Variants in GPT2 observed in about 807,000 individuals in gnomAD.
The protein encoded by GPT2 is alanine aminotransferase 2.
Under a neutral mutation model 56.9 loss-of-function variants are expected in GPT2, and 30 were observed. The ratio of observed to expected loss-of-function variants is 0.53; its 90% CI spans 0.39 to 0.72. The LOEUF (loss-of-function observed/expected upper bound fraction) is 0.72. GPT2 is among the 30% of genes least tolerant of loss of function. The pLI is 0.00. For missense variants in GPT2, 542 were observed against 703.4 expected (o/e 0.77, Z 2.60); for synonymous variants, 271 against 283.1 (o/e 0.96, Z 0.43).
chr16:46,901,799 C>T (rs1192726845), intron 4 of GPT2, among the ~76,000 whole-genome samples: 1 of 152,154 alleles, frequency 6.6e-6, no homozygotes. Context: ...TGAGTCTGGA[C>T]ACTGTCTCTC....
chr16:46,897,740 G>T lies in GPT2; in HGVS notation c.333+3G>T. 1 of 1,613,882 alleles carries T rather than the reference G, an allele frequency of 6.2e-7. No individual in the cohort carries two copies. The highest frequency in any genetic ancestry group is 8.5e-7 in the Non-Finnish European group (1 of 1,179,822). On this transcript the variant is annotated splice_donor_region_variant and intron_variant, in intron 3 of 11. Transcript: ENST00000340124. ...AGCCAATCACCTTCCTCCGGCAGGT[G>T]AGCCGCCCCCAGGAGCAGAGGCTGC...
intron 10 of GPT2, among the ~76,000 whole-genome samples, chr16:46,925,910 A>C (rs1169778054): frequency 6.6e-6 from 1 of 151,810 alleles, no homozygotes; most frequent in African/African-American, 2.4e-5. Flanking sequence ...TAGGTGGATC[A>C]CCTGAGATCA....
chr16:46,898,883 T>A (rs1424893257), intron 3 of GPT2, among the ~76,000 whole-genome samples: 3 of 145,788 alleles, frequency 2.1e-5, no homozygotes, highest in African/African-American at 7.5e-5. Context: ...TATATATATA[T>A]ATATACGTAT....
chr16:46,897,770 G>A (rs759645464), intron 3 of GPT2, 33 bp downstream of exon 3: 18 of 1,604,288 alleles, frequency 1.1e-5, no homozygotes, highest in South Asian at 7.7e-5. Flanking sequence ...GGCTGCAGGA[G>A]GGCAGGGCCC....
At chr16:46,895,181 GCTGCTGCTTTTGTCT>G (rs1318529252) in intron 2 of GPT2, among the ~76,000 whole-genome samples, 1 of 152,176 alleles carries the variant, frequency 6.6e-6, no homozygotes, top group Non-Finnish European at 1.5e-5. Flanking sequence ...AACATGTTTA[GCTGCTGCTTTTGTCT>G]CTCAAGCCTG....
chr16:46,885,346 G>A, intron 2 of GPT2: 1 of 768,120 alleles, frequency 1.3e-6, no homozygotes, highest in Middle Eastern at 6.5e-4. Context: ...AACGGAAGAG[G>A]GTTGGGATGG....
intron 1 of GPT2, 38 bp from the exon 2 acceptor site, chr16:46,884,656 T>A: frequency 3.0e-6 from 4 of 1,355,602 alleles, no homozygotes; most frequent in Non-Finnish European, 3.8e-6. Flanking sequence ...GCCTGGGCAG[T>A]GCGCGACGTG....
chr16:46,918,486 C>T (rs1415047577), intron 7 of GPT2, 135 bp from the exon 8 acceptor site: 15 of 983,142 alleles, frequency 1.5e-5, no homozygotes, highest in Non-Finnish European at 2.1e-5. Flanking sequence ...CTTGGCTCAT[C>T]CCTGGAATGG....
At position 46,900,754 on chromosome 16, in the gene GPT2, C is replaced by A. The variant is rs373687448; in HGVS notation, c.406C>A (p.Arg136=). ...CCCAGAAGATGCTAAGAAACGTGCC[C>A]GGCGGATCCTGCAGGCTTGTGGCGG... ...SFPEDAKKRA[R]RILQACGGNS... The change falls in exon 4 of 12, where the codon CGG becomes AGG. Residue 136 remains arginine, a synonymous_variant. Coordinates refer to ENST00000340124, the MANE Select transcript of GPT2 (RefSeq NM_133443.4). 3.7e-6 allele frequency: 6 copies of A among 1,613,964 alleles called. No homozygotes were observed. In the African/African-American group the frequency reaches 6.7e-5, roughly 18 times the overall value.
rs35803215 is a variant in GPT2 at position 46,889,246 on chromosome 16, ATT to A, written c.243+4313_243+4314del. ...GTTTGCCATGTTGCCCAGGCTGTTA[ATT>A]TTTTTTTTTTTTTTTTTTTTTTTTA... On this transcript the variant is annotated intron_variant, in intron 2 of 11. Transcript: ENST00000340124. Among the ~76,000 whole-genome samples the A allele has an allele frequency of 6.6e-3, 626 of 94,940 alleles. 8 individuals carry two copies. Among genetic ancestry groups the A allele is most frequent in the African/African-American group, 0.025 (581 of 23,668 alleles). 62.3% of individuals were successfully genotyped at this position (94,940 alleles called of 152,430 possible).
At chr16:46,891,805 T>C (rs201871961) in intron 2 of GPT2, among the ~76,000 whole-genome samples, 1 of 151,872 alleles carries the variant, frequency 6.6e-6, no homozygotes, top group Admixed American at 6.6e-5. Flanking sequence ...TTTTTTTTTT[T>C]CAATGTACAA....
intron 8 of GPT2, among the ~76,000 whole-genome samples, chr16:46,921,446 T>G (rs1961284968): frequency 6.6e-6 from 1 of 152,166 alleles, no homozygotes; most frequent in Non-Finnish European, 1.5e-5. Flanking sequence ...GTGCTGTGAT[T>G]ACAGGACTGA....
rs762767948 is a variant in GPT2, at chr16:46,916,629, C to A, written c.822C>A (p.Gly274=). Residue 274 remains glycine, a splice_region_variant and synonymous_variant, in exon 7 of 12, where the codon GGC becomes GGA. Transcript: ENST00000340124. ...LCIINPGNPT[G]QVQSRKCIED... ...TTGGTTTTCTTGGGGATTTTATAGGCCAGGTACAAAGCAGAAAGTGCATAG... is the reference window on the plus strand; with the variant it reads ...TTGGTTTTCTTGGGGATTTTATAGGACAGGTACAAAGCAGAAAGTGCATAG... 6.2e-7 allele frequency: 1 copy of A among 1,612,372 alleles called. No homozygotes were observed. The highest frequency in any genetic ancestry group is 8.5e-7 in the Non-Finnish European group (1 of 1,178,454).
At chr16:46,921,261 C>T (rs916372569) in intron 8 of GPT2, among the ~76,000 whole-genome samples, 1 of 152,116 alleles carries the variant, frequency 6.6e-6, no homozygotes, top group Admixed American at 6.5e-5. Flanking sequence ...CTCTGCCTCC[C>T]GGTCTTGGTT....
In GPT2 at chr16:46,900,717, C is replaced by G; in HGVS notation, c.369C>G (p.Asp123Glu). The G allele has an allele frequency of 1.2e-6, 2 of 1,614,114 alleles. No individual in the cohort carries two copies. The highest frequency in any genetic ancestry group is 1.7e-6 in the Non-Finnish European group (2 of 1,179,964). Reference sequence around the variant, plus strand: ...TATGCACCTACCCAAACCTGCTGGACAGCCCCAGCTTCCCAGAAGATGCTA... The same window carrying G: ...TATGCACCTACCCAAACCTGCTGGAGAGCCCCAGCTTCCCAGAAGATGCTA... Reference protein sequence around the residue: ...MALCTYPNLLDSPSFPEDAKK... With the variant: ...MALCTYPNLLESPSFPEDAKK... The change falls in exon 4 of 12, where the codon GAC (aspartate) becomes GAG (glutamate). Residue 123 changes from aspartate (D) to glutamate (E), a missense_variant. Asp to Glu is a conservative substitution (Grantham distance 45). Coordinates refer to ENST00000340124, the MANE Select transcript of GPT2 (RefSeq NM_133443.4).
intron 3 of GPT2, among the ~76,000 whole-genome samples, chr16:46,899,014 TATATATATATATATATATATA>T (rs1567335217): frequency 3.5e-3 from 27 of 7,810 alleles, no homozygotes; most frequent in South Asian, 9.4e-3. Context: ...TATATATATA[TATATATATATATATATATATA>T]TTTTTTTTTT....
chr16:46,924,707 C>T (rs1961367929), intron 10 of GPT2, among the ~76,000 whole-genome samples, 163 bp downstream of exon 10: 1 of 152,238 alleles, frequency 6.6e-6, no homozygotes, highest in African/African-American at 2.4e-5. Flanking sequence ...ATGACAGGTT[C>T]TTGGAGGCCC....
rs1190856309 is a variant in GPT2, at chr16:46,885,564, G to A, written c.243+606G>A. ...CCGACCAGCCACTTCTGTGGTCTGG[G>A]GACAGTCACCGAGGTGGGGAACCAG... On this transcript the variant is annotated intron_variant, in intron 2 of 11. Coordinates refer to ENST00000340124, the MANE Select transcript of GPT2 (RefSeq NM_133443.4). 5.1e-6 allele frequency: 5 copies of A among 984,888 alleles called. No individual in the cohort carries two copies. In the African/African-American group the frequency reaches 8.7e-5, roughly 17 times the overall value. The allele number at this position is 984,888 out of a possible 1,614,324, so 61.0% of individuals were successfully genotyped here. A position where few individuals can be genotyped will look rare whatever the true frequency, so the allele number is the denominator to read the frequency against.
intron 9 of GPT2, chr16:46,924,075 C>T (rs568435067): frequency 1.5e-4 from 60 of 397,806 alleles, no homozygotes; most frequent in African/African-American, 1.1e-3. Context: ...GAATTTGTGC[C>T]GGGAGATGTG....
Sources: allele counts gnomAD v4.1 joint callset (sites outside exome capture counted in the v4.1 genomes callset), GRCh38; gene constraint gnomAD v4.1.1; transcripts MANE v1.5; gene names NCBI Gene and HGNC (gene_info 2026-07-23, HGNC 2026-07-21).